DYM: variants seen among roughly 807,000 people sequenced by gnomAD.
DYM encodes the protein dyggve-Melchior-Clausen syndrome protein.
In DYM, 78 loss-of-function variants were observed where a neutral mutation model predicts 93.1. The ratio of observed to expected loss-of-function variants is 0.84; its 90% CI spans 0.70 to 1.01. The LOEUF (loss-of-function observed/expected upper bound fraction) is 1.01, where lower values mean the gene tolerates loss of function less well. Ranked by LOEUF, DYM falls within the 50% of genes least tolerant of loss-of-function variation. DYM has a pLI of 0.00. For synonymous variants in DYM, 321 were observed against 319.7 expected, an observed-to-expected ratio of 1.00 and a Z score of -0.04; for missense variants, 789 against 845.0, an observed-to-expected ratio of 0.93 and a Z score of 0.82.
At chr18:49,328,507 T>C (rs2063074443) in intron 8 of DYM, among the ~76,000 whole-genome samples, 1 of 152,046 alleles carries the variant, frequency 6.6e-6, no homozygotes, top group Non-Finnish European at 1.5e-5. Flanking sequence ...ACCTACAGAA[T>C]GGGAGAAAAT....
intron 11 of DYM, among the ~76,000 whole-genome samples, chr18:49,261,752 T>C (rs1379331593): frequency 6.6e-6 from 1 of 152,192 alleles, no homozygotes; most frequent in Non-Finnish European, 1.5e-5. Flanking sequence ...CAAAAAACAA[T>C]TGACATCTAT....
intron 14 of DYM, among the ~76,000 whole-genome samples, chr18:49,203,227 G>C (rs1409470839): frequency 2.2e-5 from 1 of 45,358 alleles, no homozygotes; most frequent in African/African-American, 5.9e-5. Context: ...GGAGGGAGGT[G>C]GGGGGGGTCA....
chr18:49,361,077 G>A (rs1042942699), intron 6 of DYM, among the ~76,000 whole-genome samples: 9 of 152,210 alleles, frequency 5.9e-5, no homozygotes, highest in African/African-American at 2.2e-4. Context: ...CCGCCAAAGT[G>A]TCTGAAAAAC....
At chr18:49,210,766 G>C (rs1028125543) in intron 13 of DYM, among the ~76,000 whole-genome samples, 1 of 152,160 alleles carries the variant, frequency 6.6e-6, no homozygotes, top group Non-Finnish European at 1.5e-5. Context: ...TGTTGATAGT[G>C]GGGGAGGTTG....
chr18:49,156,336 C>T (rs1361608966), intron 15 of DYM, among the ~76,000 whole-genome samples: 1 of 152,084 alleles, frequency 6.6e-6, no homozygotes. Flanking sequence ...CCTGTGGGAA[C>T]TTGGAATCTC....
intron 6 of DYM, 119 bp downstream of exon 6, chr18:49,363,042 A>G: frequency 1.3e-6 from 1 of 777,810 alleles, no homozygotes; most frequent in Non-Finnish European, 2.2e-6. Flanking sequence ...TGGATATAGA[A>G]TCCTTAAAAG....
At chr18:49,268,058 A>G (rs1239760005) in intron 11 of DYM, among the ~76,000 whole-genome samples, 2 of 152,242 alleles carry the variant, frequency 1.3e-5, no homozygotes, top group Non-Finnish European at 2.9e-5. Flanking sequence ...AATTATTTCA[A>G]AATAAAAAAG....
At chr18:49,251,573 G>A (rs1381097842) in intron 13 of DYM, among the ~76,000 whole-genome samples, 1 of 152,192 alleles carries the variant, frequency 6.6e-6, no homozygotes, top group South Asian at 2.1e-4. Flanking sequence ...GGTGAACCTA[G>A]TGGGGTTGGT....
At chr18:49,125,394 G>A (rs191717077) in intron 15 of DYM, among the ~76,000 whole-genome samples, 2 of 152,288 alleles carry the variant, frequency 1.3e-5, no homozygotes, top group Admixed American at 1.3e-4. Context: ...GCTAGTCCTA[G>A]TAGATGCAGG....
intron 2 of DYM, among the ~76,000 whole-genome samples, chr18:49,392,099 C>T (rs2069326433): frequency 1.3e-5 from 2 of 151,540 alleles, no homozygotes; most frequent in East Asian, 3.9e-4. Context: ...AGAAATAAAG[C>T]AAGAAAAGAG....
intron 14 of DYM, among the ~76,000 whole-genome samples, chr18:49,167,121 A>C (rs900814968): frequency 2.0e-5 from 3 of 151,992 alleles, no homozygotes; most frequent in African/African-American, 7.3e-5. Flanking sequence ...GAAAATTATT[A>C]AACAGTCCTA....
At chr18:49,242,328 C>A (rs1329160340) in intron 13 of DYM, among the ~76,000 whole-genome samples, 1 of 152,122 alleles carries the variant, frequency 6.6e-6, no homozygotes, top group Non-Finnish European at 1.5e-5. Flanking sequence ...GCATGAAGAT[C>A]GCTTGAAACT....
chr18:49,268,329 G>A (rs2094605916), intron 11 of DYM, among the ~76,000 whole-genome samples: 1 of 152,144 alleles, frequency 6.6e-6, no homozygotes, highest in Admixed American at 6.6e-5. Flanking sequence ...TCAGATTCTA[G>A]AGAAAAAGAA....
intron 2 of DYM, among the ~76,000 whole-genome samples, chr18:49,393,093 GAA>G (rs2069559328): frequency 4.9e-4 from 6 of 12,172 alleles, no homozygotes; most frequent in African/African-American, 1.4e-3. Flanking sequence ...GGGAGGGAGG[GAA>G]GGAAGGAAGG....
chr18:49,172,170 C>A (rs1046051930), intron 14 of DYM, among the ~76,000 whole-genome samples: 1 of 152,172 alleles, frequency 6.6e-6, no homozygotes, highest in Admixed American at 6.5e-5. Flanking sequence ...CAGCATAATG[C>A]TTTTCAAATG....
chr18:49,432,135 G>A (rs561491559), intron 1 of DYM, among the ~76,000 whole-genome samples: 37 of 152,166 alleles, frequency 2.4e-4, no homozygotes, highest in African/African-American at 3.6e-4. Context: ...CACTTTGGGA[G>A]GCCAAGGCGG....
chr18:49,258,853 G>GAT (rs2094441726), intron 11 of DYM, among the ~76,000 whole-genome samples: 1 of 96,084 alleles, frequency 1.0e-5, no homozygotes, highest in African/African-American at 4.5e-5. Flanking sequence ...GAGAGAGAGA[G>GAT]AGAGAGAGAG....
chr18:49,218,293 C>A (rs1374554942), intron 13 of DYM, among the ~76,000 whole-genome samples: 3 of 152,166 alleles, frequency 2.0e-5, no homozygotes, highest in Non-Finnish European at 4.4e-5. Context: ...TAGACTCCCA[C>A]ACAATAATAA....
intron 8 of DYM, among the ~76,000 whole-genome samples, chr18:49,290,861 A>C (rs2060064435): frequency 6.6e-6 from 1 of 152,144 alleles, no homozygotes; most frequent in Admixed American, 6.6e-5. Context: ...TGACTCTTCT[A>C]CAACAGAGAC....
Sources: allele counts gnomAD v4.1 joint callset (sites outside exome capture counted in the v4.1 genomes callset), GRCh38; gene constraint gnomAD v4.1.1; transcripts MANE v1.5; gene names NCBI Gene and HGNC (gene_info 2026-07-23, HGNC 2026-07-21).